OLA1: variants seen among roughly 807,000 people sequenced by gnomAD.
OLA1 encodes Obg like ATPase 1.
Under a neutral mutation model 48.4 loss-of-function variants are expected in OLA1, and 14 were observed. That is an observed-to-expected ratio of 0.29 (90% CI 0.19 to 0.45). OLA1 has a LOEUF of 0.45. Among genes scored for constraint, OLA1 ranks in the 20% least tolerant of loss-of-function variants. The pLI is 1.00. For synonymous variants in OLA1, 127 were observed against 150.4 expected, an observed-to-expected ratio of 0.84 and a Z score of 1.14; for missense variants, 325 against 467.1, an observed-to-expected ratio of 0.70 and a Z score of 2.80.
chr2:174,093,108 T>G (rs912876874), intron 7 of OLA1, among the ~76,000 whole-genome samples: 1 of 152,166 alleles, frequency 6.6e-6, no homozygotes, highest in Non-Finnish European at 1.5e-5. Flanking sequence ...AAGCAGTTTT[T>G]CTCAAAATAT....
chr2:174,125,690 C>G (rs1686030647), intron 5 of OLA1, among the ~76,000 whole-genome samples: 1 of 152,128 alleles, frequency 6.6e-6, no homozygotes, highest in South Asian at 2.1e-4. Context: ...TTAACTGGAC[C>G]ATTATTTCAG....
chr2:174,143,684 CTT>C (rs1686512228), intron 4 of OLA1, among the ~76,000 whole-genome samples: 1 of 152,132 alleles, frequency 6.6e-6, no homozygotes. Flanking sequence ...TAGAGAGAAA[CTT>C]AGTAACTGCA....
intron 4 of OLA1, among the ~76,000 whole-genome samples, chr2:174,166,895 G>A (rs940063135): frequency 2.0e-5 from 3 of 152,010 alleles, no homozygotes; most frequent in African/African-American, 7.2e-5. Flanking sequence ...CCTTCTTTAT[G>A]GGAAAAATAT....
intron 7 of OLA1, among the ~76,000 whole-genome samples, chr2:174,093,168 G>T (rs1420749153): frequency 6.6e-6 from 1 of 152,098 alleles, no homozygotes; most frequent in Non-Finnish European, 1.5e-5. Flanking sequence ...AGCTAAATTG[G>T]CTGGGTGCAA....
At chr2:174,176,725 A>G (rs1687429261) in intron 4 of OLA1, among the ~76,000 whole-genome samples, 1 of 152,148 alleles carries the variant, frequency 6.6e-6, no homozygotes, top group South Asian at 2.1e-4. Context: ...AGAGCTCTTT[A>G]CCACAAAAAA....
chr2:174,223,309 C>G (rs536756509), intron 3 of OLA1, 149 bp from the exon 4 acceptor site: 2 of 723,184 alleles, frequency 2.8e-6, no homozygotes, highest in African/African-American at 3.6e-5. Flanking sequence ...ACCCCTCCCC[C>G]CAAAAAAAAT....
chr2:174,204,949 C>A (rs1162816859), intron 4 of OLA1, among the ~76,000 whole-genome samples: 1 of 152,088 alleles, frequency 6.6e-6, no homozygotes. Flanking sequence ...AAGTTTCTGG[C>A]CCCCTAACAT....
chr2:174,190,443 T>C (rs1687748390), intron 4 of OLA1, among the ~76,000 whole-genome samples: 4 of 152,076 alleles, frequency 2.6e-5, no homozygotes, highest in Admixed American at 2.0e-4. Flanking sequence ...TATTACTCCT[T>C]GCACAAAACT....
At chr2:174,117,568 CT>C (rs1251984915) in intron 7 of OLA1, among the ~76,000 whole-genome samples, 1 of 152,120 alleles carries the variant, frequency 6.6e-6, no homozygotes, top group African/African-American at 2.4e-5. Flanking sequence ...GTCTATTTAA[CT>C]CATCAAATAG....
intron 2 of OLA1, among the ~76,000 whole-genome samples, chr2:174,246,296 T>A (rs1322336276): frequency 1.5e-5 from 2 of 130,986 alleles, no homozygotes; most frequent in African/African-American, 5.1e-5. Flanking sequence ...TGAGACTCCA[T>A]CTCAAAAAAA....
intron 7 of OLA1, among the ~76,000 whole-genome samples, chr2:174,088,369 A>G (rs1341398365): frequency 6.6e-6 from 1 of 152,212 alleles, no homozygotes; most frequent in Non-Finnish European, 1.5e-5. Flanking sequence ...ACCACTTTCC[A>G]AATAAGATTA....
intron 7 of OLA1, among the ~76,000 whole-genome samples, chr2:174,096,398 TA>T (rs761350495): frequency 6.6e-6 from 1 of 152,178 alleles, no homozygotes; most frequent in Non-Finnish European, 1.5e-5. Flanking sequence ...TTGTGTGCTT[TA>T]AAAGGGAGAA....
chr2:174,093,117 A>G (rs564134466), intron 7 of OLA1, among the ~76,000 whole-genome samples: 187 of 152,328 alleles, frequency 1.2e-3, no homozygotes, highest in African/African-American at 4.3e-3. Flanking sequence ...TTCTCAAAAT[A>G]TCGTTTGTGA....
chr2:174,097,648 C>T (rs970622978), intron 7 of OLA1, among the ~76,000 whole-genome samples: 3 of 151,536 alleles, frequency 2.0e-5, no homozygotes, highest in African/African-American at 7.3e-5. Context: ...GGCATAGAAC[C>T]TGGGTGGTGG....
At chr2:174,224,209 T>C (rs538559466) in intron 3 of OLA1, among the ~76,000 whole-genome samples, 1 of 152,294 alleles carries the variant, frequency 6.6e-6, no homozygotes, top group East Asian at 1.9e-4. Context: ...TACCACCAAA[T>C]CCACTAAAAC....
At chr2:174,241,202 T>C (rs1688992556) in intron 2 of OLA1, among the ~76,000 whole-genome samples, 1 of 152,192 alleles carries the variant, frequency 6.6e-6, no homozygotes, top group African/African-American at 2.4e-5. Context: ...ATGGCCATCT[T>C]GGATCTTTCA....
chr2:174,136,260 T>A lies in OLA1; in HGVS notation c.549+5565A>T, dbSNP rs145650201. 4.6e-5 allele frequency among the ~76,000 whole-genome samples: 7 copies of A among 152,312 alleles called. 1 individual carries two copies. In the East Asian group the frequency reaches 1.3e-3, roughly 29 times the overall value. On this transcript the variant is annotated intron_variant, in intron 5 of 10. Coordinates refer to ENST00000284719, the MANE Select transcript of OLA1 (RefSeq NM_013341.5). ...CCCTGTGACATGCAGTGCTATTTCATAGCATTTTACCCACATTTCAACTTC... is the reference window on the plus strand; with the variant it reads ...CCCTGTGACATGCAGTGCTATTTCAAAGCATTTTACCCACATTTCAACTTC...
At chr2:174,142,087 C>A in intron 4 of OLA1, 87 bp from the exon 5 acceptor site, 1 of 1,147,890 alleles carries the variant, frequency 8.7e-7, no homozygotes, top group Non-Finnish European at 1.3e-6. Context: ...AGAAGGTTAA[C>A]AAATAAATAT....
In OLA1 at chr2:174,181,491, G is replaced by A. The variant is rs146797040; in HGVS notation, c.374-39491C>T. Among the ~76,000 whole-genome samples the A allele has an allele frequency of 2.1e-3, 314 of 152,276 alleles. 3 individuals are homozygous for A. The highest frequency in any genetic ancestry group is 6.9e-3 in the African/African-American group (288 of 41,550). On this transcript the variant is annotated intron_variant, in intron 4 of 10. Transcript: ENST00000284719. Reference sequence around the variant, plus strand: ...CAACTAGAGAGAAAATGTGAAATACGTAAGAGAGGGCATGACAGCAGGATC... The same window carrying A: ...CAACTAGAGAGAAAATGTGAAATACATAAGAGAGGGCATGACAGCAGGATC...
Sources: allele counts gnomAD v4.1 joint callset (sites outside exome capture counted in the v4.1 genomes callset), GRCh38; gene constraint gnomAD v4.1.1; transcripts MANE v1.5; gene names NCBI Gene and HGNC (gene_info 2026-07-23, HGNC 2026-07-21).